Variants in LRRC3B observed in about 807,000 individuals in gnomAD.
LRRC3B encodes leucine rich repeat containing 3B.
A neutral mutation model predicts 12.8 loss-of-function variants in LRRC3B; 2 were observed. The ratio of observed to expected loss-of-function variants is 0.16; its 90% CI spans 0.06 to 0.49. The LOEUF (loss-of-function observed/expected upper bound fraction) is 0.49. Among genes scored for constraint, LRRC3B ranks in the 20% least tolerant of loss-of-function variants. The probability of loss-of-function intolerance (pLI) is 0.96; values close to 1 mark genes in which losing one functional copy is unlikely to be tolerated. For synonymous variants in LRRC3B, 132 were observed against 122.0 expected (o/e 1.08, Z -0.54); for missense variants, 189 against 319.4 (o/e 0.59, Z 3.11).
At chr3:26,653,796 C>T (rs908534874) in intron 1 of LRRC3B, among the ~76,000 whole-genome samples, 1 of 152,092 alleles carries the variant, frequency 6.6e-6, no homozygotes, top group Non-Finnish European at 1.5e-5. Flanking sequence ...CAGACTGTAC[C>T]CATATGTGTG....
At chr3:26,646,553 C>T (rs1041608831) in intron 1 of LRRC3B, among the ~76,000 whole-genome samples, 1 of 135,152 alleles carries the variant, frequency 7.4e-6, no homozygotes, top group South Asian at 2.4e-4. Flanking sequence ...GAGTGTAGAA[C>T]CAGTAAGCTG....
At chr3:26,710,052 G>A in exon 2 of LRRC3B, 1 of 1,614,110 alleles carries the variant, frequency 6.2e-7, no homozygotes, top group South Asian at 1.1e-5. Flanking sequence ...CGGATTCAAA[G>A]TGTGCACAAA....
intron 1 of LRRC3B, among the ~76,000 whole-genome samples, chr3:26,693,219 CA>C (rs1700229493): frequency 6.8e-6 from 1 of 147,878 alleles, no homozygotes; most frequent in African/African-American, 2.6e-5. Flanking sequence ...GTCCCAGCTA[CA>C]CAGGAGGCTG....
chr3:26,667,816 A>G (rs1699638443), intron 1 of LRRC3B, among the ~76,000 whole-genome samples: 1 of 152,188 alleles, frequency 6.6e-6, no homozygotes, highest in Non-Finnish European at 1.5e-5. Flanking sequence ...TTGTCAAAGA[A>G]GAGGATGAGC....
At chr3:26,656,498 G>C (rs551327990) in intron 1 of LRRC3B, among the ~76,000 whole-genome samples, 1 of 152,138 alleles carries the variant, frequency 6.6e-6, no homozygotes, top group Admixed American at 6.6e-5. Flanking sequence ...AGAGGAGCAC[G>C]CATAGGATGA....
chr3:26,704,605 G>A (rs1034825959), intron 1 of LRRC3B, among the ~76,000 whole-genome samples: 5 of 150,532 alleles, frequency 3.3e-5, no homozygotes, highest in South Asian at 2.1e-4. Context: ...TTGCTATGTT[G>A]CCCTGTCTGA....
intron 1 of LRRC3B, among the ~76,000 whole-genome samples, chr3:26,683,017 T>C (rs955054488): frequency 6.6e-6 from 1 of 152,186 alleles, no homozygotes; most frequent in African/African-American, 2.4e-5. Context: ...AGTTTTTAAG[T>C]CCCGGAAGCT....
At position 26,671,373 on chromosome 3, in the gene LRRC3B, T is replaced by TAGAGAGAGAGAGAGAGAGAG. The variant is rs1195473054; in HGVS notation, c.-160-38118_-160-38099dup. 4.5e-3 allele frequency among the ~76,000 whole-genome samples: 128 copies of TAGAGAGAGAGAGAGAGAGAG among 28,258 alleles called. 4 individuals carry two copies. Among genetic ancestry groups the TAGAGAGAGAGAGAGAGAGAG allele is most frequent in the Non-Finnish European group, 5.1e-3 (85 of 16,776 alleles). 18.5% of individuals were successfully genotyped at this position (28,258 alleles called of 152,430 possible). A position where few individuals can be genotyped will look rare whatever the true frequency, so the allele number is the denominator to read the frequency against. ...GTGTATATATATATATATATATATATAGAGAGAGAGAGAGAGAGAGAGAGA... is the reference window on the plus strand; with the variant it reads ...GTGTATATATATATATATATATATATAGAGAGAGAGAGAGAGAGAGAGAGAGAGAGAGAGAGAGAGAGAGA... On this transcript the variant is annotated intron_variant, in intron 1 of 1. Coordinates refer to ENST00000396641, the Ensembl canonical transcript of LRRC3B.
rs377102511 is a variant in LRRC3B, at chr3:26,658,158, G to A, written c.-161+34921G>A. Among the ~76,000 whole-genome samples, 43 of 152,230 alleles carry A rather than the reference G, an allele frequency of 2.8e-4. No homozygotes were observed. In the East Asian group the frequency reaches 8.3e-3, roughly 29 times the overall value. On this transcript the variant is annotated intron_variant, in intron 1 of 1. Transcript: ENST00000396641. The stretch of plus-strand genomic sequence containing the variant: ...AGTGGCACCATCTTGGCTACTGCAA[G>A]CTCGGCCTCCCGGGTTCACGCCATT...
exon 2 of LRRC3B, chr3:26,710,515 G>A (rs1700726879): frequency 6.9e-7 from 1 of 1,444,216 alleles, no homozygotes; most frequent in Non-Finnish European, 9.3e-7. Context: ...AGAAATAAGT[G>A]GTTTACTTCT....
At chr3:26,678,150 A>G (rs919684563) in intron 1 of LRRC3B, among the ~76,000 whole-genome samples, 1 of 152,084 alleles carries the variant, frequency 6.6e-6, no homozygotes, top group Non-Finnish European at 1.5e-5. Context: ...TTTTAGGTAC[A>G]TATGAAAGTC....
chr3:26,700,251 C>T (rs933253242), intron 1 of LRRC3B, among the ~76,000 whole-genome samples: 8 of 152,048 alleles, frequency 5.3e-5, no homozygotes, highest in Admixed American at 1.3e-4. Context: ...GGGTTGTCTC[C>T]CTCTTTGATT....
intron 1 of LRRC3B, among the ~76,000 whole-genome samples, chr3:26,676,866 C>T (rs1699871346): frequency 6.6e-6 from 1 of 152,206 alleles, no homozygotes; most frequent in South Asian, 2.1e-4. Context: ...TAAATTTGCA[C>T]ATCCATGAAC....
chr3:26,672,661 G>A lies in LRRC3B; in HGVS notation c.-160-36852G>A, dbSNP rs140827070. Among the ~76,000 whole-genome samples the A allele has an allele frequency of 1.8e-4, 27 of 152,310 alleles. No individual in the cohort carries two copies. In the East Asian group the frequency reaches 3.9e-3, roughly 22 times the overall value. On this transcript the variant is annotated intron_variant, in intron 1 of 1. Coordinates refer to ENST00000396641, the Ensembl canonical transcript of LRRC3B. ...TATTATCCAGTTTCTATTAGCAAAT[G>A]TAATCTCAGCCCCAACTCTATTGCT...
intron 1 of LRRC3B, among the ~76,000 whole-genome samples, chr3:26,638,328 G>A (rs576085456): frequency 6.6e-6 from 1 of 152,240 alleles, no homozygotes; most frequent in Admixed American, 6.5e-5. Flanking sequence ...TATTGGTGAT[G>A]TCATAGGTAC....
At chr3:26,689,050 G>T (rs1397768864) in intron 1 of LRRC3B, among the ~76,000 whole-genome samples, 2 of 152,280 alleles carry the variant, frequency 1.3e-5, no homozygotes, top group East Asian at 3.9e-4. Context: ...CAGGTGGAGA[G>T]ACCTCAGTGT....
intron 1 of LRRC3B, among the ~76,000 whole-genome samples, chr3:26,660,162 G>T (rs868057388): frequency 6.6e-6 from 1 of 152,172 alleles, no homozygotes; most frequent in East Asian, 1.9e-4. Context: ...ATACAGAATT[G>T]TGATTAGGAA....
At chr3:26,647,992 C>A (rs1699187899) in intron 1 of LRRC3B, among the ~76,000 whole-genome samples, 2 of 152,010 alleles carry the variant, frequency 1.3e-5, no homozygotes, top group Admixed American at 1.3e-4. Flanking sequence ...CATTTTTGTT[C>A]ATTGTGTTCT....
intron 1 of LRRC3B, among the ~76,000 whole-genome samples, chr3:26,697,891 A>G (rs1700358625): frequency 6.6e-6 from 1 of 152,200 alleles, no homozygotes; most frequent in South Asian, 2.1e-4. Context: ...CATCAGAATT[A>G]TGCTCTTCAT....
Sources: gnomAD v4.1 joint callset for allele counts (sites outside exome capture counted in the v4.1 genomes callset) on GRCh38, gnomAD v4.1.1 for gene constraint, MANE v1.5 for transcripts, NCBI Gene and HGNC (gene_info 2026-07-23, HGNC 2026-07-21) for gene names.